Variants in PAPPA2 observed in about 807,000 individuals in gnomAD.
PAPPA2 encodes the protein pappalysin-2.
In PAPPA2, 86 loss-of-function variants were observed where a neutral mutation model predicts 176.4. The observed-to-expected ratio is 0.49, with a 90% confidence interval of 0.41 to 0.58. The LOEUF is 0.58. PAPPA2 is among the 20% of genes least tolerant of loss of function. The probability of loss-of-function intolerance (pLI) is 0.00; values close to 1 mark genes in which losing one functional copy is unlikely to be tolerated. For synonymous variants in PAPPA2, 809 were observed against 852.2 expected (o/e 0.95, Z 0.88); for missense variants, 2,073 against 2,256.9 (o/e 0.92, Z 1.65).
At chr1:176,520,303 AC>A (rs1649141947) in intron 1 of PAPPA2, among the ~76,000 whole-genome samples, 1 of 152,062 alleles carries the variant, frequency 6.6e-6, no homozygotes, top group Non-Finnish European at 1.5e-5. Flanking sequence ...AAAAATGTTC[AC>A]CCTCTTAGCT....
chr1:176,695,661 G>A (rs1478466206), intron 6 of PAPPA2, 77 bp from the exon 7 acceptor site: 2 of 1,524,482 alleles, frequency 1.3e-6, no homozygotes, highest in South Asian at 1.2e-5. Context: ...CCCACACAAA[G>A]GTCTTTCTAA....
In PAPPA2 at chr1:176,556,110, TG is replaced by T. The variant is rs2102589391; in HGVS notation, c.-209del. 3 of 594,296 alleles carry T rather than the reference TG, an allele frequency of 5.0e-6. No individual in the cohort carries two copies. The highest frequency in any genetic ancestry group is 1.9e-5 in the African/African-American group (1 of 53,984). The allele number at this position is 594,296 out of a possible 1,614,324, so 36.8% of individuals were successfully genotyped here. On this transcript the variant is annotated 5_prime_UTR_variant, in exon 2 of 23. The change creates a premature stop within an existing upstream ORF in the 5' untranslated region. Transcript: ENST00000367662. ...AGAAGCGTGCGGGAAGCACATGCCC[TG>T]GGGAGGCATAGAAGCCACACTGGCA... is the stretch of plus-strand genomic sequence containing the variant.
chr1:176,842,473 C>G lies in PAPPA2; in HGVS notation c.*19C>G, dbSNP rs1470041018. On this transcript the variant is annotated 3_prime_UTR_variant, in exon 23 of 23. Transcript: ENST00000367662. ...TCAGTAACTGTGGGAACAAGCCCCTCCCTCCACTGCCTCAGAGGCAGTAAG... is the reference window on the plus strand; with the variant it reads ...TCAGTAACTGTGGGAACAAGCCCCTGCCTCCACTGCCTCAGAGGCAGTAAG... 6.2e-7 allele frequency: 1 copy of G among 1,604,530 alleles called. No homozygotes were observed. The highest frequency in any genetic ancestry group is 8.5e-7 in the Non-Finnish European group (1 of 1,172,060).
chr1:176,557,388 T>C, intron 2 of PAPPA2, 147 bp downstream of exon 2: 12 of 894,990 alleles, frequency 1.3e-5, no homozygotes, highest in Non-Finnish European at 2.0e-5. Context: ...AGGGCCTTTA[T>C]TAATCAGCAC....
intron 1 of PAPPA2, among the ~76,000 whole-genome samples, chr1:176,535,734 G>T (rs1650036473): frequency 6.6e-6 from 1 of 152,176 alleles, no homozygotes; most frequent in South Asian, 2.1e-4. Flanking sequence ...AAAAGTTTGT[G>T]TCACTTCTCT....
At chr1:176,580,496 C>A (rs1427120438) in intron 2 of PAPPA2, among the ~76,000 whole-genome samples, 1 of 152,112 alleles carries the variant, frequency 6.6e-6, no homozygotes, top group African/African-American at 2.4e-5. Context: ...TGCATAAATG[C>A]CCAGTAATAG....
intron 3 of PAPPA2, among the ~76,000 whole-genome samples, chr1:176,630,572 A>G (rs921623821): frequency 6.6e-6 from 1 of 152,090 alleles, no homozygotes; most frequent in Non-Finnish European, 1.5e-5. Context: ...TGGAGGGGGG[A>G]CATTGTAGAG....
chr1:176,481,986 A>G (rs1462386536), intron 1 of PAPPA2, among the ~76,000 whole-genome samples: 1 of 152,150 alleles, frequency 6.6e-6, no homozygotes, highest in African/African-American at 2.4e-5. Context: ...TGCTGGGATT[A>G]TAGGTGTGAA....
chr1:176,808,654 A>T (rs955963566), intron 21 of PAPPA2, among the ~76,000 whole-genome samples: 4 of 152,212 alleles, frequency 2.6e-5, no homozygotes, highest in Non-Finnish European at 4.4e-5. Context: ...TATAAGCAAG[A>T]TTATCAGAAA....
chr1:176,656,801 A>T (rs533426827), intron 3 of PAPPA2, among the ~76,000 whole-genome samples: 1 of 151,258 alleles, frequency 6.6e-6, no homozygotes, highest in South Asian at 2.1e-4. Flanking sequence ...ACACACACAC[A>T]CCAGAAGTCA....
rs570033739 is a variant in PAPPA2, at chr1:176,702,541, A to T, written c.3237-66A>T. On this transcript the variant is annotated intron_variant, in intron 8 of 22. Coordinates refer to ENST00000367662, the MANE Select transcript of PAPPA2 (RefSeq NM_020318.3). Reference sequence around the variant, plus strand: ...TTCCCTTCAACTTCTGTGAACCATCAACAAAGGACCCAGGGCATGCCTCAC... The same window carrying T: ...TTCCCTTCAACTTCTGTGAACCATCTACAAAGGACCCAGGGCATGCCTCAC... 1.5e-4 allele frequency: 244 copies of T among 1,587,654 alleles called. 4 individuals carry two copies. The South Asian group carries it at 2.7e-3, about 17-fold the overall frequency.
chr1:176,504,346 T>G (rs1227674631), intron 1 of PAPPA2, among the ~76,000 whole-genome samples: 1 of 152,172 alleles, frequency 6.6e-6, no homozygotes, highest in African/African-American at 2.4e-5. Flanking sequence ...TTTCTGTGCA[T>G]TCTTTTAGAA....
intron 20 of PAPPA2, 124 bp from the exon 21 acceptor site, chr1:176,799,937 C>T (rs1280847634): frequency 8.5e-6 from 8 of 940,822 alleles, no homozygotes; most frequent in Non-Finnish European, 1.3e-5. Flanking sequence ...TTATGGGACA[C>T]AATTAGAAAC....
At chr1:176,482,309 A>AT (rs1203926721) in intron 1 of PAPPA2, among the ~76,000 whole-genome samples, 1 of 152,202 alleles carries the variant, frequency 6.6e-6, no homozygotes, top group Non-Finnish European at 1.5e-5. Context: ...AGCTGCTTTT[A>AT]TTAGAGGAGA....
chr1:176,557,197 G>C lies in PAPPA2; in HGVS notation c.875G>C (p.Trp292Ser). The change falls in exon 2 of 23, where the codon TGG becomes TCG. Residue 292 changes from tryptophan (W) to serine (S), a missense_variant. Physicochemically the swap from Trp to Ser is radical, Grantham distance 177 (BLOSUM62 -3). Around this residue, in one of 4 missense-constraint regions of PAPPA2, gnomAD observed 1,196 missense variants for 1,330.4 expected, o/e 0.90. Coordinates refer to ENST00000367662, the MANE Select transcript of PAPPA2 (RefSeq NM_020318.3). ...IPREAFTVEA[W>S]VKPEGGQNNP... ...CGGGAGGCGTTCACAGTGGAAGCCT[G>C]GGTTAAACCGGAGGGAGGACAGAAC... The C allele has an allele frequency of 1.2e-6, 2 of 1,610,334 alleles. No homozygotes were observed. Among genetic ancestry groups the C allele is most frequent in the Non-Finnish European group, 1.7e-6 (2 of 1,178,462 alleles).
chr1:176,617,381 T>A (rs1655327665), intron 3 of PAPPA2, among the ~76,000 whole-genome samples: 1 of 152,230 alleles, frequency 6.6e-6, no homozygotes, highest in African/African-American at 2.4e-5. Flanking sequence ...AGACAAGTTC[T>A]TTAGTGGTGA....
At chr1:176,633,250 G>C (rs997586246) in intron 3 of PAPPA2, among the ~76,000 whole-genome samples, 3 of 152,118 alleles carry the variant, frequency 2.0e-5, no homozygotes, top group African/African-American at 7.2e-5. Context: ...ACAGATGGGA[G>C]CTATAGATGG....
At chr1:176,524,824 C>T (rs1649398313) in intron 1 of PAPPA2, among the ~76,000 whole-genome samples, 2 of 152,090 alleles carry the variant, frequency 1.3e-5, no homozygotes, top group South Asian at 4.1e-4. Context: ...GAGATCGAGA[C>T]CATCCTGGCT....
chr1:176,604,657 A>G (rs1274026061), intron 3 of PAPPA2, among the ~76,000 whole-genome samples: 1 of 152,234 alleles, frequency 6.6e-6, no homozygotes, highest in Admixed American at 6.5e-5. Context: ...TATGAAAAAA[A>G]CTGCCAACCC....
Sources: gnomAD v4.1 joint callset for allele counts (sites outside exome capture counted in the v4.1 genomes callset) on GRCh38, gnomAD v4.1.1 for gene constraint, gnomAD v4.1.1 regional missense constraint, MANE v1.5 for transcripts, NCBI Gene and HGNC (gene_info 2026-07-23, HGNC 2026-07-21) for gene names.